OTOG: variants seen among roughly 807,000 people sequenced by gnomAD.
The protein encoded by OTOG is otogelin.
A neutral mutation model predicts 313.8 loss-of-function variants in OTOG; 296 were observed. The observed-to-expected ratio is 0.94, with a 90% CI of 0.86 to 1.04. The LOEUF is 1.04. OTOG is among the 50% of genes least tolerant of loss of function. OTOG has a pLI of 0.00. For synonymous variants in OTOG, 1,533 were observed against 1,554.9 expected (o/e 0.99, Z 0.33); for missense variants, 3,948 against 3,840.1 (o/e 1.03, Z -0.74).
rs1364630241 is a variant in OTOG at position 17,559,578 on chromosome 11, G to T, written c.1258G>T (p.Ala420Ser). The T allele has an allele frequency of 6.4e-7, 1 of 1,550,724 alleles. No individual in the cohort carries two copies. Among genetic ancestry groups the T allele is most frequent in the Non-Finnish European group, 8.7e-7 (1 of 1,147,030 alleles). ...GGCCTTTACCTACAATGAGTGCATCGCCTGCTGCCCTGCCTCCTGCCATCC... is the reference window on the plus strand; with the variant it reads ...GGCCTTTACCTACAATGAGTGCATCTCCTGCTGCCCTGCCTCCTGCCATCC... ...EKAFTYNECI[A>S]CCPASCHPRA... Residue 420 changes from alanine to serine, a missense_variant, in exon 12 of 56, where the codon GCC becomes TCC. By Grantham distance (99) the Ala-to-Ser change is moderately conservative. Transcript: ENST00000399397.
chr11:17,562,046 A>AAAAAAAAT (rs1440986349), intron 15 of OTOG, among the ~76,000 whole-genome samples: 8 of 139,830 alleles, frequency 5.7e-5, no homozygotes, highest in Middle Eastern at 7.4e-3. Flanking sequence ...CTAAAAAAAA[A>AAAAAAAAT]ATATATATAT....
At chr11:17,592,922 C>A (rs1852984789) in intron 25 of OTOG, among the ~76,000 whole-genome samples, 1 of 152,212 alleles carries the variant, frequency 6.6e-6, no homozygotes, top group Non-Finnish European at 1.5e-5. Flanking sequence ...CTTCCCCATA[C>A]CCTATCAACA....
At position 17,573,126 on chromosome 11, in the gene OTOG, C is replaced by A; in HGVS notation, c.2129C>A (p.Ala710Glu). The stretch of plus-strand genomic sequence containing the variant: ...AGCGTGCTCACGGGGGAGATGTTTG[C>A]GCCCTGCTCTGCGTTCCTGAGCCCC... ...ACSVLTGEMFAPCSAFLSPVP... is the reference protein window; with the variant it reads ...ACSVLTGEMFEPCSAFLSPVP... The change falls in exon 19 of 56, where the codon GCG becomes GAG. Residue 710 changes from alanine (A) to glutamate (E), a missense_variant. Physicochemically the swap from Ala to Glu is moderately radical, Grantham distance 107. Coordinates refer to ENST00000399397, the MANE Select transcript of OTOG (RefSeq NM_001292063.2). 6.5e-7 allele frequency: 1 copy of A among 1,547,540 alleles called. No homozygotes were observed. The highest frequency in any genetic ancestry group is 1.2e-5 in the South Asian group (1 of 84,058).
chr11:17,561,580 GTCC>G, intron 14 of OTOG, 79 bp from the exon 15 acceptor site: 1 of 1,429,412 alleles, frequency 7.0e-7, no homozygotes, highest in Non-Finnish European at 9.6e-7. Context: ...AGGGTGCTGT[GTCC>G]TCCTCATACT....
At chr11:17,567,498 T>C (rs1246822262) in intron 15 of OTOG, among the ~76,000 whole-genome samples, 2 of 152,208 alleles carry the variant, frequency 1.3e-5, no homozygotes, top group Non-Finnish European at 2.9e-5. Context: ...TTGAACTTTT[T>C]AAAAAATTAT....
At chr11:17,613,200 T>C (rs1403815883) in intron 38 of OTOG, among the ~76,000 whole-genome samples, 1 of 65,830 alleles carries the variant, frequency 1.5e-5, no homozygotes, top group African/African-American at 7.9e-5. Flanking sequence ...CTTTCTTTTC[T>C]TTCTTTCTTT....
Position 17,640,908 on chromosome 11 carries a change from T to C in OTOG, c.8012-5T>C. On this transcript the variant is annotated splice_polypyrimidine_tract_variant and splice_region_variant and intron_variant, in intron 50 of 55. Transcript: ENST00000399397. ...TGACTGTTGCCGCCCTGCATGCCCA[T>C]CCAGTGAAGGCCCCGGTGTGTCTGA... 7 of 1,548,546 alleles carry C rather than the reference T, an allele frequency of 4.5e-6. No individual in the cohort carries two copies. Among genetic ancestry groups the C allele is most frequent in the Non-Finnish European group, 6.1e-6 (7 of 1,146,810 alleles).
In OTOG at chr11:17,609,787, G is replaced by T. The variant is rs779248179; in HGVS notation, c.4487G>T (p.Arg1496Met). ...SQESPRTPTH[R>M]PALTPAAPLT... is the part of the protein sequence containing the mutation. The stretch of plus-strand genomic sequence containing the variant: ...GAAAGCCCCAGGACCCCCACCCACA[G>T]GCCAGCCCTCACCCCAGCTGCCCCA... Residue 1496 changes from arginine (R) to methionine (M), a missense_variant, in exon 36 of 56, where the codon AGG becomes ATG. Physicochemically the swap from Arg to Met is moderately conservative, Grantham distance 91. Coordinates refer to ENST00000399397, the MANE Select transcript of OTOG (RefSeq NM_001292063.2). 2 of 1,548,062 alleles carry T rather than the reference G, an allele frequency of 1.3e-6. No homozygotes were observed. Among genetic ancestry groups the T allele is most frequent in the South Asian group, 2.4e-5 (2 of 83,590 alleles).
rs761846999 is a variant in OTOG, at chr11:17,569,197, G to A, written c.1686G>A (p.Leu562=). 1.3e-6 allele frequency: 2 copies of A among 1,550,608 alleles called. No homozygotes were observed. The highest frequency in any genetic ancestry group is 1.7e-6 in the Non-Finnish European group (2 of 1,147,010). The part of the protein sequence containing the change: ...GACVQSVSVI[L]HQDPRRQVTL... ...GTGTCCAGTCAGTGTCAGTGATTCT[G>A]CACCAGGACCCTCGGAGGCAGGTGA... The change falls in exon 16 of 56, where the codon CTG becomes CTA. Residue 562 remains leucine, a synonymous_variant. Transcript: ENST00000399397.
At chr11:17,639,341 G>T in intron 48 of OTOG, 82 bp from the exon 49 acceptor site, 9 of 1,438,092 alleles carry the variant, frequency 6.3e-6, no homozygotes, top group Non-Finnish European at 8.6e-6. Flanking sequence ...GGTTGTGCCA[G>T]CAGTGAGAGG....
In OTOG at chr11:17,609,811, C is replaced by T. The variant is rs1432697232; in HGVS notation, c.4511C>T (p.Pro1504Leu). The stretch of plus-strand genomic sequence containing the variant: ...AGGCCAGCCCTCACCCCAGCTGCCC[C>T]ACTCACCACAGCCCTGAACCCACCA... ...THRPALTPAA[P>L]LTTALNPPVT... Residue 1504 changes from proline (P) to leucine (L), a missense_variant, in exon 36 of 56, where the codon CCA becomes CTA. Physicochemically the swap from Pro to Leu is moderately conservative, Grantham distance 98 (BLOSUM62 -3). Transcript: ENST00000399397. The T allele has an allele frequency of 1.3e-6, 2 of 1,544,098 alleles. No homozygotes were observed. The highest frequency in any genetic ancestry group is 2.7e-5 in the African/African-American group (2 of 73,028).
In OTOG at chr11:17,605,888, C is replaced by T. The variant is rs1470162639; in HGVS notation, c.3909C>T (p.Asp1303=). The T allele has an allele frequency of 6.5e-7, 1 of 1,549,004 alleles. No individual in the cohort carries two copies. The highest frequency in any genetic ancestry group is 8.7e-7 in the Non-Finnish European group (1 of 1,145,932). Residue 1303 remains aspartate, a synonymous_variant, in exon 33 of 56, where the codon GAC becomes GAT. Transcript: ENST00000399397. ...ATGTGGTGTCCCTGGAGGCAGCAGA[C>T]AGACCCAACTTCTTCCTTCACGTCA... is the stretch of plus-strand genomic sequence containing the variant. ...DPDVVSLEAA[D]RPNFFLHVTA... is the part of the protein sequence containing the mutation.
At chr11:17,570,491 CTG>C in intron 17 of OTOG, 101 bp downstream of exon 17, 1 of 1,128,214 alleles carries the variant, frequency 8.9e-7, no homozygotes, top group Non-Finnish European at 1.3e-6. Context: ...TGAGCCTTCA[CTG>C]TGCCCAGCAT....
At chr11:17,630,743 G>A (rs1202723533) in intron 40 of OTOG, among the ~76,000 whole-genome samples, 1 of 152,188 alleles carries the variant, frequency 6.6e-6, no homozygotes, top group Non-Finnish European at 1.5e-5. Flanking sequence ...CGTCCTTGAA[G>A]GAAGGACATC....
At chr11:17,616,578 A>G (rs1853726208) in intron 39 of OTOG, among the ~76,000 whole-genome samples, 1 of 152,092 alleles carries the variant, frequency 6.6e-6, no homozygotes, top group Non-Finnish European at 1.5e-5. Flanking sequence ...TTTTTAGTGT[A>G]AGGATCCTAT....
intron 15 of OTOG, among the ~76,000 whole-genome samples, chr11:17,564,700 G>A (rs1051610436): frequency 2.0e-5 from 3 of 152,200 alleles, no homozygotes; most frequent in Non-Finnish European, 4.4e-5. Flanking sequence ...TTTGCACAGT[G>A]CCTTGAACTT....
chr11:17,548,029 A>G, intron 2 of OTOG, 42 bp downstream of exon 2: 5 of 1,094,470 alleles, frequency 4.6e-6, no homozygotes, highest in Non-Finnish European at 6.3e-6. Context: ...CACAGCTCCC[A>G]TCCGTATTTC....
Position 17,547,483 on chromosome 11 carries a change from C to T in OTOG, c.94+17C>T, listed in dbSNP as rs1851833422. The T allele has an allele frequency of 1.5e-6, 2 of 1,344,498 alleles. No individual in the cohort carries two copies. The highest frequency in any genetic ancestry group is 1.9e-4 in the Middle Eastern group (1 of 5,182). The allele number at this position is 1,344,498 out of a possible 1,614,324, so 83.3% of individuals were successfully genotyped here. On this transcript the variant is annotated intron_variant, in intron 1 of 55. Coordinates refer to ENST00000399397, the MANE Select transcript of OTOG (RefSeq NM_001292063.2). ...AGCGCCTCGGTGAGAGGGTTGTGGA[C>T]TCAGGGAGGTCGGGGGCTCGAGGAA... is the stretch of plus-strand genomic sequence containing the variant.
chr11:17,633,833 A>G lies in OTOG; in HGVS notation c.7226A>G (p.His2409Arg), dbSNP rs1854192324. 4 of 1,549,180 alleles carry G rather than the reference A, an allele frequency of 2.6e-6. No individual in the cohort carries two copies. The highest frequency in any genetic ancestry group is 4.9e-5 in the East Asian group (2 of 40,922). Residue 2409 changes from histidine to arginine, a missense_variant, in exon 43 of 56, where the codon CAC becomes CGC. Transcript: ENST00000399397. Reference protein sequence around the residue: ...GCVCSEGTILHRRHSALCIPE... With the variant: ...GCVCSEGTILRRRHSALCIPE... Reference sequence around the variant, plus strand: ...GTCTGCTCCGAGGGCACCATCTTACACCGGCGCCACTCTGCACTCTGCATC... The same window carrying G: ...GTCTGCTCCGAGGGCACCATCTTACGCCGGCGCCACTCTGCACTCTGCATC...
Sources: gnomAD v4.1 joint callset for allele counts (sites outside exome capture counted in the v4.1 genomes callset) on GRCh38, gnomAD v4.1.1 for gene constraint, MANE v1.5 for transcripts, NCBI Gene and HGNC (gene_info 2026-07-23, HGNC 2026-07-21) for gene names.